B3GLCT: variants seen among roughly 807,000 people sequenced by gnomAD.
B3GLCT encodes beta-1,3-glucosyltransferase.
A neutral mutation model predicts 63.4 loss-of-function variants in B3GLCT; 65 were observed. That is an observed-to-expected ratio of 1.03 (90% CI 0.84 to 1.26). The LOEUF is 1.26. Ranked by LOEUF, B3GLCT falls within the 50% of genes most tolerant of loss-of-function variation. B3GLCT has a pLI of 0.00. For synonymous variants in B3GLCT, 233 were observed against 219.2 expected (o/e 1.06, Z -0.55); for missense variants, 577 against 604.8 (o/e 0.95, Z 0.48).
At chr13:31,208,267 C>G (rs1228156685) in intron 1 of B3GLCT, among the ~76,000 whole-genome samples, 1 of 152,176 alleles carries the variant, frequency 6.6e-6, no homozygotes, top group African/African-American at 2.4e-5. Flanking sequence ...TTCTCTCCTG[C>G]TTCTCCTCCC....
chr13:31,232,159 C>T (rs929992094), intron 4 of B3GLCT, among the ~76,000 whole-genome samples: 3 of 152,226 alleles, frequency 2.0e-5, no homozygotes, highest in African/African-American at 7.2e-5. Context: ...TTCCACCGCT[C>T]ATCCCCTTGT....
intron 14 of B3GLCT, among the ~76,000 whole-genome samples, chr13:31,327,582 T>C (rs1270261461): frequency 2.0e-5 from 3 of 152,236 alleles, no homozygotes; most frequent in Non-Finnish European, 4.4e-5. Context: ...GGGGAACTAC[T>C]GTATTTCTTT....
At chr13:31,202,555 G>T (rs1204529864) in intron 1 of B3GLCT, among the ~76,000 whole-genome samples, 1 of 152,176 alleles carries the variant, frequency 6.6e-6, no homozygotes, top group African/African-American at 2.4e-5. Flanking sequence ...ATATAATCTG[G>T]GTTGGGGGGA....
rs566334200 is a variant in B3GLCT at position 31,290,531 on chromosome 13, T to G, written c.1064+3712T>G. 7.2e-5 allele frequency among the ~76,000 whole-genome samples: 11 copies of G among 152,334 alleles called. No homozygotes were observed. The South Asian group carries it at 2.3e-3, about 32-fold the overall frequency. On this transcript the variant is annotated intron_variant, in intron 12 of 14. Coordinates refer to ENST00000343307, the MANE Select transcript of B3GLCT (RefSeq NM_194318.4). The stretch of plus-strand genomic sequence containing the variant: ...CACATCCTCTCCAGCATCTGTTGTT[T>G]CCTGACTTTTAATGATTGCCATTCT...
chr13:31,214,977 A>G, intron 1 of B3GLCT, 74 bp from the exon 2 acceptor site: 1 of 1,392,514 alleles, frequency 7.2e-7, no homozygotes, highest in Non-Finnish European at 1.0e-6. Context: ...ATTATAAGCA[A>G]AACTGTTGGA....
In B3GLCT at chr13:31,276,777, T is replaced by C; in HGVS notation, c.850+6T>C. On this transcript the variant is annotated splice_donor_region_variant and intron_variant, in intron 10 of 14. Coordinates refer to ENST00000343307, the MANE Select transcript of B3GLCT (RefSeq NM_194318.4). ...GAAATTTCATGGTGACAGAAGTATG[T>C]TTTGGGTTATTCATTTTATTGAACG... 6.2e-7 allele frequency: 1 copy of C among 1,604,858 alleles called. No homozygotes were observed. The highest frequency in any genetic ancestry group is 8.5e-7 in the Non-Finnish European group (1 of 1,171,682).
At chr13:31,286,301 C>T (rs1873327453) in intron 11 of B3GLCT, among the ~76,000 whole-genome samples, 1 of 152,360 alleles carries the variant, frequency 6.6e-6, no homozygotes, top group Non-Finnish European at 1.5e-5. Context: ...CGCCTTTGCA[C>T]TGCTGCTTCC....
chr13:31,282,021 C>T (rs943851928), intron 10 of B3GLCT, among the ~76,000 whole-genome samples: 2 of 152,002 alleles, frequency 1.3e-5, no homozygotes, highest in Non-Finnish European at 2.9e-5. Flanking sequence ...TTACTTTGCT[C>T]CAAGTTTAAG....
At chr13:31,267,357 C>T (rs575305139) in intron 7 of B3GLCT, among the ~76,000 whole-genome samples, 6 of 152,332 alleles carry the variant, frequency 3.9e-5, no homozygotes, top group Admixed American at 2.6e-4. Context: ...GAAATGAATA[C>T]TTACTCTTTG....
intron 6 of B3GLCT, among the ~76,000 whole-genome samples, chr13:31,256,040 A>T (rs556160906): frequency 6.6e-6 from 1 of 152,234 alleles, no homozygotes; most frequent in Non-Finnish European, 1.5e-5. Context: ...TTTGCAATCT[A>T]TCCATCTGAC....
chr13:31,270,367 T>C (rs1250961067), intron 8 of B3GLCT, among the ~76,000 whole-genome samples: 1 of 152,224 alleles, frequency 6.6e-6, no homozygotes, highest in Non-Finnish European at 1.5e-5. Context: ...TAATACAGAA[T>C]ATTTGAGTAG....
In B3GLCT at chr13:31,261,091, T is replaced by G. The variant is rs367994747; in HGVS notation, c.596+9T>G. The G allele has an allele frequency of 6.2e-7, 1 of 1,611,560 alleles. No individual in the cohort carries two copies. Among genetic ancestry groups the G allele is most frequent in the African/African-American group, 1.3e-5 (1 of 74,358 alleles). On this transcript the variant is annotated intron_variant, in intron 7 of 14. Transcript: ENST00000343307. Reference sequence around the variant, plus strand: ...ATTCCACTTGTAAACAAGTAAGAATTTATTGGAATTTTTTCGGGGGGCGGG... The same window carrying G: ...ATTCCACTTGTAAACAAGTAAGAATGTATTGGAATTTTTTCGGGGGGCGGG...
chr13:31,222,039 T>C (rs1331053321), intron 2 of B3GLCT, among the ~76,000 whole-genome samples: 1 of 151,628 alleles, frequency 6.6e-6, no homozygotes, highest in Non-Finnish European at 1.5e-5. Context: ...TGTCTGGAGC[T>C]CTCCAGCTCT....
intron 1 of B3GLCT, among the ~76,000 whole-genome samples, chr13:31,201,017 A>C (rs921014481): frequency 4.6e-5 from 7 of 152,070 alleles, no homozygotes; most frequent in African/African-American, 1.7e-4. Flanking sequence ...AGTTAAAAAA[A>C]AAAAAAAAGC....
intron 8 of B3GLCT, among the ~76,000 whole-genome samples, chr13:31,272,781 C>T (rs1293495995): frequency 6.6e-6 from 1 of 152,014 alleles, no homozygotes; most frequent in Admixed American, 6.6e-5. Context: ...TTCTTTTCAC[C>T]CTGGAAACTT....
chr13:31,237,353 GT>G (rs372747180), intron 4 of B3GLCT, among the ~76,000 whole-genome samples: 17 of 130,906 alleles, frequency 1.3e-4, no homozygotes, highest in Admixed American at 1.6e-4. Context: ...GCTGGAGGCT[GT>G]TTTTTTTTTT....
In B3GLCT at chr13:31,247,933, C is replaced by T. The variant is rs1457509444; in HGVS notation, c.426C>T (p.Leu142=). 1.2e-6 allele frequency: 2 copies of T among 1,608,182 alleles called. No individual in the cohort carries two copies. Among genetic ancestry groups the T allele is most frequent in the Admixed American group, 3.3e-5 (2 of 60,014 alleles). The change falls in exon 6 of 15, where the codon CTC becomes CTT. Residue 142 remains leucine (L), a synonymous_variant. Coordinates refer to ENST00000343307, the MANE Select transcript of B3GLCT (RefSeq NM_194318.4). ...EEETRIQIPK[L]LETLRRYDPS... ...AGACAAGAATACAGATTCCAAAACT[C>T]TTGGAAACCCTCAGAAGATATGACC...
intron 12 of B3GLCT, among the ~76,000 whole-genome samples, chr13:31,295,917 G>T (rs1329827010): frequency 2.0e-5 from 3 of 152,224 alleles, no homozygotes; most frequent in African/African-American, 7.2e-5. Context: ...CCAGTTTTGT[G>T]TGTGAAACCC....
intron 6 of B3GLCT, among the ~76,000 whole-genome samples, chr13:31,250,556 GT>G (rs1418027680): frequency 6.6e-6 from 1 of 152,228 alleles, no homozygotes; most frequent in African/African-American, 2.4e-5. Flanking sequence ...TGAGGCTTGA[GT>G]AGGCAATTTT....
Sources: gnomAD v4.1 joint callset for allele counts (sites outside exome capture counted in the v4.1 genomes callset) on GRCh38, gnomAD v4.1.1 for gene constraint, MANE v1.5 for transcripts, NCBI Gene and HGNC (gene_info 2026-07-23, HGNC 2026-07-21) for gene names.